Variants in METTL2A observed in about 807,000 individuals in gnomAD.
The protein encoded by METTL2A is methyltransferase 2A, tRNA N3-cytidine, also known as tRNA N(3)-cytidine methyltransferase METTL2A.
In METTL2A, 45 loss-of-function variants were observed where a neutral mutation model predicts 49.4. That is an observed-to-expected ratio of 0.91 (90% CI 0.72 to 1.17). The LOEUF (loss-of-function observed/expected upper bound fraction) is 1.17, where lower values mean the gene tolerates loss of function less well. Among genes scored for constraint, METTL2A ranks in the 50% most tolerant of loss-of-function variants. METTL2A has a pLI of 0.00. For missense variants in METTL2A, 361 were observed against 462.2 expected (o/e 0.78, Z 2.01); for synonymous variants, 118 against 167.5 (o/e 0.70, Z 2.28).
chr17:62,446,224 G>A (rs894475267), intron 7 of METTL2A, among the ~76,000 whole-genome samples: 1 of 152,106 alleles, frequency 6.6e-6, no homozygotes, highest in Non-Finnish European at 1.5e-5. Flanking sequence ...CGTGATCTCG[G>A]CTCACTGCAA....
At chr17:62,446,656 T>C (rs1241097440) in intron 7 of METTL2A, among the ~76,000 whole-genome samples, 10 of 152,060 alleles carry the variant, frequency 6.6e-5, no homozygotes. Flanking sequence ...AATCCAGTCA[T>C]TTTTTTTGAA....
rs77964249 is a variant in METTL2A at position 62,450,094 on chromosome 17, A to G, written c.*1365A>G. ...GGGCAACAGAGGAAGACTCCGTCTC[A>G]AAAAAAAAAAAGAAAAGAATTTTCA... is the stretch of plus-strand genomic sequence containing the variant. On this transcript the variant is annotated 3_prime_UTR_variant, in exon 9 of 9. Coordinates refer to ENST00000311506, the MANE Select transcript of METTL2A (RefSeq NM_181725.4). 7.2e-6 allele frequency: 1 copy of G among 137,994 alleles called. No homozygotes were observed. Among genetic ancestry groups the G allele is most frequent in the Non-Finnish European group, 1.5e-5 (1 of 65,500 alleles). 8.5% of individuals were successfully genotyped at this position (137,994 alleles called of 1,614,324 possible).
intron 2 of METTL2A, among the ~76,000 whole-genome samples, chr17:62,425,999 T>TC (rs2070622914): frequency 7.1e-6 from 1 of 140,970 alleles, no homozygotes; most frequent in Non-Finnish European, 1.5e-5. Context: ...AGACTCTGTC[T>TC]CAAAAAAAAA....
chr17:62,424,120 C>T, intron 1 of METTL2A, 99 bp from the exon 2 acceptor site: 1 of 1,588,674 alleles, frequency 6.3e-7, no homozygotes, highest in Admixed American at 1.9e-5. Flanking sequence ...CTGCCCTACC[C>T]GAGGCACTCT....
At position 62,452,196 on chromosome 17, in the gene METTL2A, G is replaced by T. The variant is rs538535552; in HGVS notation, c.*3467G>T. ...AGGTAAGAGGCTATTGTGTAAACTC[G>T]AATTGGGTTTGTTGGTGTTTCTTCA... On this transcript the variant is annotated 3_prime_UTR_variant, in exon 9 of 9. Transcript: ENST00000311506. 6.6e-6 allele frequency among the ~76,000 whole-genome samples: 1 copy of T among 152,174 alleles called. No homozygotes were observed. Among genetic ancestry groups the T allele is most frequent in the Non-Finnish European group, 1.5e-5 (1 of 68,050 alleles).
At chr17:62,443,978 A>G (rs865815442) in intron 6 of METTL2A, among the ~76,000 whole-genome samples, 12 of 152,228 alleles carry the variant, frequency 7.9e-5, no homozygotes, top group Middle Eastern at 3.2e-3. Flanking sequence ...AACCTGCACC[A>G]AGACTTTTGA....
rs57282239 is a variant in METTL2A at position 62,430,435 on chromosome 17, T to C, written c.608+2598T>C. 1.4e-3 allele frequency among the ~76,000 whole-genome samples: 208 copies of C among 152,306 alleles called. 1 individual carries two copies. Among genetic ancestry groups the C allele is most frequent in the African/African-American group, 4.7e-3 (196 of 41,564 alleles). ...GTAATTCACTGGCTTAGAATTGACA[T>C]GTTTTCTACTGCCTGTGAATCAGGT... On this transcript the variant is annotated intron_variant, in intron 4 of 8. Transcript: ENST00000311506.
chr17:62,436,073 T>A (rs1355314137), intron 5 of METTL2A, among the ~76,000 whole-genome samples: 1 of 151,658 alleles, frequency 6.6e-6, no homozygotes, highest in South Asian at 2.1e-4. Context: ...CTACTAAAAA[T>A]ACAAAAAAAT....
At position 62,452,195 on chromosome 17, in the gene METTL2A, C is replaced by T. The variant is rs1370076495; in HGVS notation, c.*3466C>T. 1.3e-5 allele frequency among the ~76,000 whole-genome samples: 2 copies of T among 152,136 alleles called. No individual in the cohort carries two copies. Among genetic ancestry groups the T allele is most frequent in the Non-Finnish European group, 2.9e-5 (2 of 68,042 alleles). The stretch of plus-strand genomic sequence containing the variant: ...AAGGTAAGAGGCTATTGTGTAAACT[C>T]GAATTGGGTTTGTTGGTGTTTCTTC... On this transcript the variant is annotated 3_prime_UTR_variant, in exon 9 of 9. Coordinates refer to ENST00000311506, the MANE Select transcript of METTL2A (RefSeq NM_181725.4).
chr17:62,442,476 A>G lies in METTL2A; in HGVS notation c.809+1720A>G, dbSNP rs1598036180. ...GTATTTTTAGTAGAGACGGGGTTTC[A>G]CTATGTTGGCCAGGCTGGTCTTGAA... On this transcript the variant is annotated intron_variant, in intron 6 of 8. Transcript: ENST00000311506. Among the ~76,000 whole-genome samples the G allele has an allele frequency of 2.0e-5, 3 of 152,188 alleles. No individual in the cohort carries two copies. The East Asian group carries it at 5.8e-4, about 29-fold the overall frequency.
rs528825200 is a variant in METTL2A at position 62,443,012 on chromosome 17, G to A, written c.810-1825G>A. ...GTACTGAAGTCATCCAACCTGAGAG[G>A]ATGAGTGTGAAATAAAGGCATATGC... On this transcript the variant is annotated intron_variant, in intron 6 of 8. Coordinates refer to ENST00000311506, the MANE Select transcript of METTL2A (RefSeq NM_181725.4). 3.7e-3 allele frequency among the ~76,000 whole-genome samples: 561 copies of A among 152,248 alleles called. 2 individuals are homozygous for A. The highest frequency in any genetic ancestry group is 0.012 in the African/African-American group (490 of 41,548).
At chr17:62,437,960 A>C (rs2070712144) in intron 5 of METTL2A, among the ~76,000 whole-genome samples, 1 of 148,666 alleles carries the variant, frequency 6.7e-6, no homozygotes, top group Non-Finnish European at 1.5e-5. Context: ...TGACAGAGCA[A>C]GACTCCATCT....
chr17:62,424,200 G>A lies in METTL2A; in HGVS notation c.111-19G>A, dbSNP rs748897719. ...AGCCAGGACGTGAGGCCCCTAAGCT[G>A]CCCGTTTGATTTTCTCAGGGACAAT... On this transcript the variant is annotated intron_variant, in intron 1 of 8. Coordinates refer to ENST00000311506, the MANE Select transcript of METTL2A (RefSeq NM_181725.4). The A allele has an allele frequency of 1.2e-6, 2 of 1,614,132 alleles. No homozygotes were observed. Among genetic ancestry groups the A allele is most frequent in the Non-Finnish European group, 1.7e-6 (2 of 1,180,012 alleles).
In METTL2A at chr17:62,429,221, C is replaced by T. The variant is rs550983770; in HGVS notation, c.608+1384C>T. On this transcript the variant is annotated intron_variant, in intron 4 of 8. Transcript: ENST00000311506. ...GGTGGGTGAAGCTGAAAGTTCCAAT[C>T]GGTTTGCCCTTACTAGTGTTGGCCC... Among the ~76,000 whole-genome samples, 39 of 152,176 alleles carry T rather than the reference C, an allele frequency of 2.6e-4. 1 individual carries two copies. The highest frequency in any genetic ancestry group is 3.4e-3 in the Middle Eastern group (1 of 294).
chr17:62,428,034 A>G (rs1240920997), intron 4 of METTL2A, among the ~76,000 whole-genome samples, 197 bp downstream of exon 4: 1 of 152,246 alleles, frequency 6.6e-6, no homozygotes. Context: ...GCATCAAACT[A>G]TCAGTAATGG....
chr17:62,432,643 C>G (rs1247606760), intron 4 of METTL2A, among the ~76,000 whole-genome samples: 1 of 151,262 alleles, frequency 6.6e-6, no homozygotes, highest in East Asian at 1.9e-4. Context: ...ACTCAAAATA[C>G]AAAAAAAAAT....
chr17:62,442,870 A>G (rs2144153145), intron 6 of METTL2A, among the ~76,000 whole-genome samples: 1 of 152,236 alleles, frequency 6.6e-6, no homozygotes, highest in African/African-American at 2.4e-5. Flanking sequence ...GACTGCAGGG[A>G]CCAGTGATTG....
At position 62,448,630 on chromosome 17, in the gene METTL2A, G is replaced by A. The variant is rs1598039046; in HGVS notation, c.1038G>A (p.Val346=). 2 of 1,614,198 alleles carry A rather than the reference G, an allele frequency of 1.2e-6. No individual in the cohort carries two copies. Among genetic ancestry groups the A allele is most frequent in the Middle Eastern group, 1.6e-4 (1 of 6,062 alleles). The change falls in exon 9 of 9, where the codon GTG becomes GTA. Residue 346 remains valine (V), a synonymous_variant. Transcript: ENST00000311506. The stretch of plus-strand genomic sequence containing the variant: ...GACTGGAAAAAGTTCAGAACCTGGT[G>A]GATCGCCGACTGCAGGTGAACCGAG... ...TAGLEKVQNL[V]DRRLQVNRGK... is the part of the protein sequence containing the mutation.
In METTL2A at chr17:62,444,829, C is replaced by T. The variant is rs781229218; in HGVS notation, c.810-8C>T. 2 of 1,613,652 alleles carry T rather than the reference C, an allele frequency of 1.2e-6. No homozygotes were observed. The highest frequency in any genetic ancestry group is 1.7e-6 in the Non-Finnish European group (2 of 1,179,706). On this transcript the variant is annotated splice_region_variant and splice_polypyrimidine_tract_variant and intron_variant, in intron 6 of 8. Transcript: ENST00000311506. ...CCTGATTGACCGTCATTCCCTGCTGCTCCACAGGATGCAGAAGGCTATCAA... is the reference window on the plus strand; with the variant it reads ...CCTGATTGACCGTCATTCCCTGCTGTTCCACAGGATGCAGAAGGCTATCAA...
Sources: allele counts gnomAD v4.1 joint callset (sites outside exome capture counted in the v4.1 genomes callset), GRCh38; gene constraint gnomAD v4.1.1; transcripts MANE v1.5; gene names NCBI Gene and HGNC (gene_info 2026-07-23, HGNC 2026-07-21).